The following GPHN variants were observed in gnomAD, a reference collection of about 807,000 sequenced individuals.
GPHN encodes gephyrin.
A neutral mutation model predicts 95.5 loss-of-function variants in GPHN; 17 were observed. That is an observed-to-expected ratio of 0.18 (90% CI 0.12 to 0.27). The LOEUF (loss-of-function observed/expected upper bound fraction) is 0.27, where lower values mean the gene tolerates loss of function less well. Among genes scored for constraint, GPHN ranks in the 10% least tolerant of loss-of-function variants. GPHN has a pLI of 1.00. For synonymous variants in GPHN, 320 were observed against 322.5 expected, an observed-to-expected ratio of 0.99 and a Z score of 0.08; for missense variants, 660 against 978.1, an observed-to-expected ratio of 0.67 and a Z score of 4.34.
chr14:66,960,800 T>A (rs1488006372), intron 8 of GPHN, among the ~76,000 whole-genome samples: 2 of 152,096 alleles, frequency 1.3e-5, no homozygotes, highest in South Asian at 4.1e-4. Flanking sequence ...TGCCCAGCCC[T>A]GGGCATAAAC....
intron 4 of GPHN, among the ~76,000 whole-genome samples, chr14:66,852,576 T>C (rs1430382126): frequency 1.3e-5 from 2 of 152,234 alleles, no homozygotes; most frequent in African/African-American, 4.8e-5. Context: ...CTTTTTATTT[T>C]GTTTGTGCAT....
chr14:67,504,694 G>A, the GPHN span, among the ~76,000 whole-genome samples: 1 of 152,188 alleles, frequency 6.6e-6, no homozygotes, highest in Non-Finnish European at 1.5e-5. Flanking sequence ...AGACCAGCCT[G>A]GCCAACTTGG....
Position 66,924,188 on chromosome 14 carries a change from C to T in GPHN, c.730-6C>T. The stretch of plus-strand genomic sequence containing the variant: ...ATATTCATAGTTGTTATGTGTTGTG[C>T]ATTAGAAGCATCCATTCTACACCAG... On this transcript the variant is annotated splice_polypyrimidine_tract_variant and splice_region_variant and intron_variant, in intron 7 of 22. Coordinates refer to ENST00000478722, the MANE Select transcript of GPHN (RefSeq NM_020806.5). 1.3e-6 allele frequency: 2 copies of T among 1,505,220 alleles called. No homozygotes were observed. Among genetic ancestry groups the T allele is most frequent in the Non-Finnish European group, 1.9e-6 (2 of 1,080,892 alleles). The allele number at this position is 1,505,220 out of a possible 1,614,324, so 93.2% of individuals were successfully genotyped here.
At chr14:67,450,155 C>T in the GPHN span, 1 of 151,784 alleles carries the variant, frequency 6.6e-6, no homozygotes, top group African/African-American at 2.4e-5. Flanking sequence ...ATGTGACTTG[C>T]TTCTCCTTGC....
At chr14:66,835,945 A>G (rs1245629633) in intron 4 of GPHN, among the ~76,000 whole-genome samples, 1 of 145,352 alleles carries the variant, frequency 6.9e-6, no homozygotes, top group Non-Finnish European at 1.5e-5. Flanking sequence ...ATAAAAGAGG[A>G]TACAAACAAA....
the GPHN span, chr14:67,392,686 A>G: frequency 6.2e-7 from 1 of 1,614,114 alleles, no homozygotes; most frequent in Non-Finnish European, 8.5e-7. Context: ...CTGTGGAGTC[A>G]TCCAGGAACT....
intron 8 of GPHN, among the ~76,000 whole-genome samples, chr14:66,960,675 A>G (rs2068840135): frequency 6.6e-6 from 1 of 152,080 alleles, no homozygotes; most frequent in Admixed American, 6.6e-5. Flanking sequence ...TCACACTTCA[A>G]CACTCAGCCA....
At chr14:67,366,481 G>A in the GPHN span, among the ~76,000 whole-genome samples, 1 of 152,214 alleles carries the variant, frequency 6.6e-6, no homozygotes, top group Admixed American at 6.5e-5. Flanking sequence ...GTAGATACAT[G>A]TAAAGATATT....
intron 4 of GPHN, among the ~76,000 whole-genome samples, chr14:66,867,838 T>C (rs1392687334): frequency 6.6e-6 from 1 of 152,228 alleles, no homozygotes; most frequent in Non-Finnish European, 1.5e-5. Flanking sequence ...GTCATTAATC[T>C]ACATCATTCC....
the GPHN span, among the ~76,000 whole-genome samples, chr14:67,482,086 C>T: frequency 6.6e-6 from 1 of 152,172 alleles, no homozygotes; most frequent in African/African-American, 2.4e-5. Context: ...CCTGGGCAAA[C>T]AGAGTCCCAT....
the GPHN span, among the ~76,000 whole-genome samples, chr14:67,344,110 G>T: frequency 8.5e-5 from 13 of 152,302 alleles, no homozygotes; most frequent in East Asian, 2.3e-3. Context: ...TCTGATTCAT[G>T]AAGTTTTACT....
At chr14:67,302,360 C>A in the GPHN span, 1 of 1,267,136 alleles carries the variant, frequency 7.9e-7, no homozygotes, top group South Asian at 2.2e-5. Context: ...AAATGCTTAA[C>A]AAAAATTGTA....
chr14:67,700,582 G>A, the GPHN span, among the ~76,000 whole-genome samples: 5 of 152,086 alleles, frequency 3.3e-5, no homozygotes, highest in Admixed American at 1.3e-4. Context: ...GGGCGTGGTG[G>A]CGGGCGCCTG....
At chr14:67,249,551 A>G in the GPHN span, among the ~76,000 whole-genome samples, 1 of 152,242 alleles carries the variant, frequency 6.6e-6, no homozygotes, top group South Asian at 2.1e-4. Context: ...CAGATGTGAA[A>G]TAATTAAGGA....
At chr14:66,963,371 A>T (rs146972019) in intron 8 of GPHN, among the ~76,000 whole-genome samples, 174 of 152,206 alleles carry the variant, frequency 1.1e-3, no homozygotes, top group Middle Eastern at 0.01. Flanking sequence ...ACACACACAG[A>T]GACATTATTC....
At chr14:66,726,524 A>G (rs1217051420) in intron 2 of GPHN, among the ~76,000 whole-genome samples, 2 of 152,196 alleles carry the variant, frequency 1.3e-5, no homozygotes, top group African/African-American at 2.4e-5. Context: ...GGGATGTTTA[A>G]GATCCCTTTA....
intron 12 of GPHN, among the ~76,000 whole-genome samples, chr14:67,097,664 A>G (rs1007026225): frequency 1.3e-5 from 2 of 152,158 alleles, no homozygotes; most frequent in African/African-American, 4.8e-5. Flanking sequence ...TAGCTCAGGT[A>G]CTTTAATTAT....
At chr14:67,679,133 T>C in the GPHN span, among the ~76,000 whole-genome samples, 2 of 152,134 alleles carry the variant, frequency 1.3e-5, no homozygotes, top group South Asian at 2.1e-4. Context: ...AATAACAAGA[T>C]GGAAGGCATG....
chr14:66,803,775 A>G (rs1476287546), intron 3 of GPHN, among the ~76,000 whole-genome samples: 2 of 151,430 alleles, frequency 1.3e-5, no homozygotes, highest in South Asian at 2.1e-4. Context: ...TAGTATTCCT[A>G]TGTTTTGTAG....
Sources: allele counts gnomAD v4.1 joint callset (sites outside exome capture counted in the v4.1 genomes callset), GRCh38; gene constraint gnomAD v4.1.1; transcripts MANE v1.5; gene names NCBI Gene and HGNC (gene_info 2026-07-23, HGNC 2026-07-21).